Variants in PARPBP observed in about 807,000 individuals in gnomAD.
PARPBP encodes PCNA-interacting partner.
Under a neutral mutation model 50.0 loss-of-function variants are expected in PARPBP, and 52 were observed. That is an observed-to-expected ratio of 1.04 (90% confidence interval 0.83 to 1.31). PARPBP has a LOEUF of 1.31. Ranked by LOEUF, PARPBP falls within the 50% of genes most tolerant of loss-of-function variation. The pLI is 0.00. For missense variants in PARPBP, 697 were observed against 672.0 expected (o/e 1.04, Z -0.41); for synonymous variants, 244 against 232.1 (o/e 1.05, Z -0.47).
chr12:102,141,957 A>G (rs1456681077), intron 2 of PARPBP, among the ~76,000 whole-genome samples: 1 of 151,988 alleles, frequency 6.6e-6, no homozygotes, highest in Non-Finnish European at 1.5e-5. Context: ...TCTGATAATT[A>G]TGTGTCTTGG....
rs189449177 is a variant in PARPBP, at chr12:102,141,050, G to A, written c.154-7180G>A. Among the ~76,000 whole-genome samples, 381 of 152,274 alleles carry A rather than the reference G, an allele frequency of 2.5e-3. 3 individuals carry two copies. The highest frequency in any genetic ancestry group is 8.9e-3 in the African/African-American group (369 of 41,540). On this transcript the variant is annotated intron_variant, in intron 2 of 10. Transcript: ENST00000327680. ...TCCTGGATATCCTTATTAACTTTCT[G>A]TCTTGTTGATCTATCTAATGTTGAC...
chr12:102,178,151 TTGAA>T (rs1289691902), intron 7 of PARPBP, among the ~76,000 whole-genome samples: 4 of 152,374 alleles, frequency 2.6e-5, no homozygotes, highest in African/African-American at 9.6e-5. Flanking sequence ...TCAATGATTA[TTGAA>T]TGAATGAATG....
At chr12:102,128,662 C>G (rs1882387880) in intron 2 of PARPBP, among the ~76,000 whole-genome samples, 1 of 152,158 alleles carries the variant, frequency 6.6e-6, no homozygotes, top group African/African-American at 2.4e-5. Flanking sequence ...CAGGATTTCT[C>G]TCTTTTATGG....
intron 4 of PARPBP, 107 bp from the exon 5 acceptor site, chr12:102,164,331 T>G: frequency 1.3e-6 from 1 of 757,406 alleles, no homozygotes; most frequent in Non-Finnish European, 2.2e-6. Context: ...AAGAGTTAAG[T>G]GAGGTATTGT....
At chr12:102,131,773 G>A (rs537498210) in intron 2 of PARPBP, among the ~76,000 whole-genome samples, 124 of 152,282 alleles carry the variant, frequency 8.1e-4, no homozygotes, top group African/African-American at 2.9e-3. Context: ...TTATAAGTGG[G>A]AGCTAAATGA....
At chr12:102,168,370 C>T (rs1888362440) in intron 6 of PARPBP, among the ~76,000 whole-genome samples, 1 of 151,948 alleles carries the variant, frequency 6.6e-6, no homozygotes, top group South Asian at 2.1e-4. Flanking sequence ...TTGGATATTC[C>T]ATGTGGTTAT....
At chr12:102,193,315 C>T in intron 9 of PARPBP, among the ~76,000 whole-genome samples, 1 of 151,698 alleles carries the variant, frequency 6.6e-6, no homozygotes, top group East Asian at 1.9e-4. Context: ...CATTAGTTTT[C>T]TGTACTAAAT....
chr12:102,182,794 T>C (rs1889959686), intron 9 of PARPBP, among the ~76,000 whole-genome samples, 167 bp downstream of exon 9: 1 of 152,208 alleles, frequency 6.6e-6, no homozygotes. Flanking sequence ...AGACTTTCCT[T>C]TTATACAGTC....
At chr12:102,134,238 CAA>C (rs771158918) in intron 2 of PARPBP, among the ~76,000 whole-genome samples, 29 of 91,340 alleles carry the variant, frequency 3.2e-4, no homozygotes, top group African/African-American at 9.2e-4. Context: ...AGAGAAGCCT[CAA>C]AAAAAAAAAA....
intron 6 of PARPBP, among the ~76,000 whole-genome samples, chr12:102,174,562 C>T (rs1889071620): frequency 6.6e-6 from 1 of 152,198 alleles, no homozygotes; most frequent in East Asian, 1.9e-4. Context: ...GTGATATGTG[C>T]TCAGGCAGCC....
intron 3 of PARPBP, among the ~76,000 whole-genome samples, chr12:102,151,319 T>TG (rs1242084904): frequency 1.3e-5 from 2 of 152,106 alleles, no homozygotes; most frequent in Non-Finnish European, 2.9e-5. Flanking sequence ...CTCTCTGGGA[T>TG]GGGGGGATGG....
chr12:102,144,234 T>C (rs528087335), intron 2 of PARPBP, among the ~76,000 whole-genome samples: 17 of 152,236 alleles, frequency 1.1e-4, no homozygotes, highest in Non-Finnish European at 2.2e-4. Flanking sequence ...TTTTGAGTTA[T>C]TAGAAAAATA....
chr12:102,126,338 T>C (rs1289544915), intron 2 of PARPBP, among the ~76,000 whole-genome samples: 2 of 152,208 alleles, frequency 1.3e-5, no homozygotes, highest in African/African-American at 4.8e-5. Context: ...TTCTCTTTGT[T>C]TTTGACCTTT....
At chr12:102,171,631 C>CCGAGGCGGGCGGATCA (rs1888743588) in intron 6 of PARPBP, among the ~76,000 whole-genome samples, 1 of 152,054 alleles carries the variant, frequency 6.6e-6, no homozygotes. Context: ...CTTTGGGAGG[C>CCGAGGCGGGCGGATCA]CGAGGCGGGC....
At chr12:102,162,378 T>G (rs1417215994) in intron 4 of PARPBP, among the ~76,000 whole-genome samples, 1 of 152,200 alleles carries the variant, frequency 6.6e-6, no homozygotes, top group East Asian at 1.9e-4. Flanking sequence ...AGTTTAGAAT[T>G]CGTGAGTCTG....
intron 2 of PARPBP, among the ~76,000 whole-genome samples, chr12:102,146,372 T>C (rs1459997631): frequency 1.3e-5 from 2 of 152,070 alleles, no homozygotes; most frequent in East Asian, 3.9e-4. Context: ...AACAGAGATA[T>C]AGATCAATGG....
chr12:102,196,982 C>G lies in PARPBP; in HGVS notation c.*691C>G. Reference sequence around the variant, plus strand: ...TGAAAAGACTACTCACTGTCAAAATCTCTCCTTCCTATAGGAAATTTAGCT... The same window carrying G: ...TGAAAAGACTACTCACTGTCAAAATGTCTCCTTCCTATAGGAAATTTAGCT... On this transcript the variant is annotated 3_prime_UTR_variant, in exon 11 of 11. Coordinates refer to ENST00000327680, the MANE Select transcript of PARPBP (RefSeq NM_017915.5). 5 of 1,610,298 alleles carry G rather than the reference C, an allele frequency of 3.1e-6. No homozygotes were observed. The highest frequency in any genetic ancestry group is 4.2e-6 in the Non-Finnish European group (5 of 1,177,342).
rs1891370467 is a variant in PARPBP, at chr12:102,197,019, A to G, written c.*728A>G. On this transcript the variant is annotated 3_prime_UTR_variant, in exon 11 of 11. Transcript: ENST00000327680. ...TAGGAAATTTAGCTGAGTTTTCTTCATCCCCAATTTCTCTCTTTTCTTGTG... is the reference window on the plus strand; with the variant it reads ...TAGGAAATTTAGCTGAGTTTTCTTCGTCCCCAATTTCTCTCTTTTCTTGTG... The G allele has an allele frequency of 6.2e-6, 10 of 1,611,998 alleles. No homozygotes were observed. Among genetic ancestry groups the G allele is most frequent in the Non-Finnish European group, 8.5e-6 (10 of 1,178,678 alleles).
chr12:102,173,130 A>G (rs12424451), intron 6 of PARPBP, among the ~76,000 whole-genome samples: 6,837 of 152,290 alleles, frequency 0.045, 410 homozygotes, highest in East Asian at 0.29. Context: ...GAGGAAAGCC[A>G]GCGAGGCAAG....
Sources: allele counts gnomAD v4.1 joint callset (sites outside exome capture counted in the v4.1 genomes callset), GRCh38; gene constraint gnomAD v4.1.1; transcripts MANE v1.5; gene names NCBI Gene and HGNC (gene_info 2026-07-23, HGNC 2026-07-21).